ELSPBP1: variants seen among roughly 807,000 people sequenced by gnomAD.
ELSPBP1 encodes the protein epididymal sperm binding protein 1, also known as epididymal sperm-binding protein 1.
In ELSPBP1, 38 loss-of-function variants were observed where a neutral mutation model predicts 33.3. That is an observed-to-expected ratio of 1.14 (90% confidence interval 0.88 to 1.50). The LOEUF is 1.50. Among genes scored for constraint, ELSPBP1 ranks in the 40% most tolerant of loss-of-function variants. The pLI, the probability that ELSPBP1 is intolerant of heterozygous loss-of-function variation, is 0.00. For missense variants in ELSPBP1, 267 were observed against 263.5 expected, an observed-to-expected ratio of 1.01 and a Z score of -0.09; for synonymous variants, 85 against 94.1, an observed-to-expected ratio of 0.90 and a Z score of 0.56.
intron 1 of ELSPBP1, among the ~76,000 whole-genome samples, chr19:47,998,874 C>T (rs1966939189): frequency 6.6e-6 from 1 of 151,764 alleles, no homozygotes; most frequent in Non-Finnish European, 1.5e-5. Flanking sequence ...AGCTTGTGTA[C>T]AAGTCCAGTA....
chr19:47,994,928 A>T (rs1966899810), intron 1 of ELSPBP1, 117 bp downstream of exon 1: 2 of 152,240 alleles, frequency 1.3e-5, no homozygotes, highest in South Asian at 4.1e-4. Flanking sequence ...CGAGCCACAT[A>T]AATCATTGTA....
rs773750317 is a variant in ELSPBP1 at position 48,014,231 on chromosome 19, C to T, written c.131C>T (p.Thr44Ile). The change falls in exon 3 of 7, where the codon ACC becomes ATC. Residue 44 changes from threonine (T) to isoleucine (I), a missense_variant. Transcript: ENST00000339841. ...TYKGSVYFTC[T>I]HIHSLSPWCA... ...AAGGGATCTGTTTACTTCACTTGCA[C>T]CCATATTCATAGCTTATCCCCTTGG... The T allele has an allele frequency of 1.9e-6, 3 of 1,614,032 alleles. No homozygotes were observed. In the Admixed American group the frequency reaches 5.0e-5, roughly 27 times the overall value.
chr19:47,998,425 A>ATCAATC (rs1568402346), intron 1 of ELSPBP1, among the ~76,000 whole-genome samples: 2 of 151,680 alleles, frequency 1.3e-5, no homozygotes, highest in African/African-American at 4.9e-5. Context: ...AAAAGAAAAA[A>ATCAATC]AATCAATCAA....
intron 5 of ELSPBP1, among the ~76,000 whole-genome samples, chr19:48,020,493 C>G (rs1967187678): frequency 6.6e-6 from 1 of 152,194 alleles, no homozygotes; most frequent in Non-Finnish European, 1.5e-5. Flanking sequence ...GACTCAGACT[C>G]AAATTTCCTC....
At chr19:48,010,855 G>A (rs12980668) in intron 2 of ELSPBP1, among the ~76,000 whole-genome samples, 24,893 of 152,106 alleles carry the variant, frequency 0.16, 2,088 homozygotes, top group Middle Eastern at 0.22. Context: ...TTTGCAGATG[G>A]CTAATAGTAT....
intron 1 of ELSPBP1, among the ~76,000 whole-genome samples, chr19:48,002,864 C>T (rs1966981117): frequency 6.6e-6 from 1 of 152,144 alleles, no homozygotes; most frequent in African/African-American, 2.4e-5. Context: ...TTGTATGCCC[C>T]CTCTGACATT....
intron 1 of ELSPBP1, among the ~76,000 whole-genome samples, chr19:48,001,871 A>AT (rs1568403232): frequency 1.3e-5 from 2 of 151,124 alleles, no homozygotes; most frequent in Admixed American, 6.6e-5. Flanking sequence ...TAATTTTAAG[A>AT]TTTTTTGTAG....
In ELSPBP1 at chr19:48,019,869, C is replaced by A. The variant is rs986727643; in HGVS notation, c.506C>A (p.Ala169Asp). 9 of 1,612,766 alleles carry A rather than the reference C, an allele frequency of 5.6e-6. No homozygotes were observed. The highest frequency in any genetic ancestry group is 6.8e-6 in the Non-Finnish European group (8 of 1,179,526). ...MDKDGKWSFC[A>D]DTRISALVPG... is the part of the protein sequence containing the mutation. ...AAGGATGGAAAGTGGAGTTTCTGTG[C>A]CGACACCAGTAATCTGGGGATGGGG... The change falls in exon 5 of 7, where the codon GCC (alanine) becomes GAC (aspartate). Residue 169 changes from alanine (A) to aspartate (D), a missense_variant. Transcript: ENST00000339841.
rs1568407324 is a variant in ELSPBP1 at position 48,016,463 on chromosome 19, TCCTTCTTTCTTTCTTTC to T, written c.355+425_355+441del. Among the ~76,000 whole-genome samples, 73 of 19,084 alleles carry T rather than the reference TCCTTCTTTCTTTCTTTC, an allele frequency of 3.8e-3. 1 individual carries two copies. The highest frequency in any genetic ancestry group is 0.015 in the African/African-American group (62 of 4,222). 12.5% of individuals were successfully genotyped at this position (19,084 alleles called of 152,430 possible). ...CCCTCCCTTTTCTCTTTCTTTTCTT[TCCTTCTTTCTTTCTTTC>T]TTTCTTTCTTTCTTTCTTTCTTTCT... On this transcript the variant is annotated intron_variant, in intron 4 of 6. Transcript: ENST00000339841.
At chr19:48,020,891 G>A (rs2122335690) in intron 5 of ELSPBP1, among the ~76,000 whole-genome samples, 1 of 152,368 alleles carries the variant, frequency 6.6e-6, no homozygotes, top group East Asian at 1.9e-4. Context: ...CTCCGGGCAA[G>A]GGGTCAGTCC....
intron 5 of ELSPBP1, 22 bp downstream of exon 5, chr19:48,019,899 G>T: frequency 6.2e-7 from 1 of 1,601,938 alleles, no homozygotes; most frequent in Non-Finnish European, 8.5e-7. Context: ...ATGGGGGTTG[G>T]GTGGGTGTGG....
Position 48,008,652 on chromosome 19 carries a change from G to A in ELSPBP1, c.-16G>A, listed in dbSNP as rs182055358. ...AAATTTTTGTCTTCTTTTCCACAGA[G>A]AAGAGGGCAGCCAAGATGACCCGAT... On this transcript the variant is annotated splice_region_variant and 5_prime_UTR_variant, in exon 2 of 7. Coordinates refer to ENST00000339841, the MANE Select transcript of ELSPBP1 (RefSeq NM_022142.5). 3.0e-4 allele frequency: 489 copies of A among 1,613,332 alleles called. No individual in the cohort carries two copies. Among genetic ancestry groups the A allele is most frequent in the Non-Finnish European group, 3.8e-4 (451 of 1,179,510 alleles).
At chr19:48,003,441 G>T (rs1376015037) in intron 1 of ELSPBP1, among the ~76,000 whole-genome samples, 1 of 151,998 alleles carries the variant, frequency 6.6e-6, no homozygotes, top group East Asian at 1.9e-4. Context: ...GGAGGGGAAG[G>T]AAGATAAGAA....
At position 47,995,893 on chromosome 19, in the gene ELSPBP1, C is replaced by T. The variant is rs544284710; in HGVS notation, c.-18+1082C>T. Among the ~76,000 whole-genome samples the T allele has an allele frequency of 6.2e-4, 95 of 152,226 alleles. No homozygotes were observed. In the South Asian group the frequency reaches 8.1e-3, roughly 13 times the overall value. On this transcript the variant is annotated intron_variant, in intron 1 of 6. Coordinates refer to ENST00000339841, the MANE Select transcript of ELSPBP1 (RefSeq NM_022142.5). Reference sequence around the variant, plus strand: ...TGGTTGGGTGCTATTATCTTCTCACCGCTCCACTGTGAAATTATTTTGGCT... The same window carrying T: ...TGGTTGGGTGCTATTATCTTCTCACTGCTCCACTGTGAAATTATTTTGGCT...
At chr19:48,022,955 G>A (rs970620676) in intron 6 of ELSPBP1, among the ~76,000 whole-genome samples, 3 of 151,984 alleles carry the variant, frequency 2.0e-5, no homozygotes, top group Non-Finnish European at 4.4e-5. Context: ...GGAGGCTGAG[G>A]TCAGAGGATC....
Position 48,011,447 on chromosome 19 carries a change from G to GTGA in ELSPBP1, c.71-2714_71-2712dup, listed in dbSNP as rs138126081. Among the ~76,000 whole-genome samples, 87,574 of 144,330 alleles carry GTGA rather than the reference G, an allele frequency of 0.61. 25,657 individuals carry two copies. Among genetic ancestry groups the GTGA allele is most frequent in the East Asian group, 0.88 (4,440 of 5,064 alleles). 94.7% of individuals were successfully genotyped at this position (144,330 alleles called of 152,430 possible). Reference sequence around the variant, plus strand: ...GAGGAGAATAATGATCACGATGACAGTGATGATGATGACAATGACAATAAT... The same window carrying GTGA: ...GAGGAGAATAATGATCACGATGACAGTGATGATGATGATGACAATGACAATAAT... On this transcript the variant is annotated intron_variant, in intron 2 of 6. Transcript: ENST00000339841. This position sits in a 1 kb window ranked among gnomAD's most constrained non-coding sequence, Gnocchi z 4.5.
rs368244416 is a variant in ELSPBP1 at position 48,011,513 on chromosome 19, AATG to A, written c.71-2650_71-2648del. On this transcript the variant is annotated intron_variant, in intron 2 of 6. Transcript: ENST00000339841. The surrounding 1 kb of genome is among the most constrained non-coding windows in gnomAD (Gnocchi z 4.5). The stretch of plus-strand genomic sequence containing the variant: ...GACAATGACTGATAATGATGATGAC[AATG>A]ATGATGACAATGACTGATAATGATG... 5.8e-3 allele frequency among the ~76,000 whole-genome samples: 878 copies of A among 151,984 alleles called. 8 individuals are homozygous for A. The highest frequency in any genetic ancestry group is 0.02 in the African/African-American group (843 of 41,452).
At chr19:48,000,566 T>C (rs1966957349) in intron 1 of ELSPBP1, among the ~76,000 whole-genome samples, 1 of 152,124 alleles carries the variant, frequency 6.6e-6, no homozygotes, top group South Asian at 2.1e-4. Context: ...TTGTCTCATA[T>C]ATAGAAAAGA....
In ELSPBP1 at chr19:48,011,639, C is replaced by A. The variant is rs1194515090; in HGVS notation, c.71-2532C>A. Among the ~76,000 whole-genome samples the A allele has an allele frequency of 6.6e-6, 1 of 150,712 alleles. No individual in the cohort carries two copies. The highest frequency in any genetic ancestry group is 6.6e-5 in the Admixed American group (1 of 15,116). ...TGATGATGACAACGATGATGATGAT[C>A]ATCATCCTGATGACAATGACAATAA... On this transcript the variant is annotated intron_variant, in intron 2 of 6. Coordinates refer to ENST00000339841, the MANE Select transcript of ELSPBP1 (RefSeq NM_022142.5). The surrounding 1 kb of genome is among the most constrained non-coding windows in gnomAD (Gnocchi z 4.5).
Sources: gnomAD v4.1 joint callset for allele counts (sites outside exome capture counted in the v4.1 genomes callset) on GRCh38, gnomAD v4.1.1 for gene constraint, Gnocchi (gnomAD v3.1) non-coding constraint, MANE v1.5 for transcripts, NCBI Gene and HGNC (gene_info 2026-07-23, HGNC 2026-07-21) for gene names.